The following GPC6 variants were observed in gnomAD, a reference collection of about 807,000 sequenced individuals.
GPC6 encodes glypican-6.
GPC6 carries 14 observed loss-of-function variants against 55.2 expected under a neutral mutation model. The ratio of observed to expected loss-of-function variants is 0.25; its 90% CI spans 0.17 to 0.40. The LOEUF is 0.40. Among genes scored for constraint, GPC6 ranks in the 10% least tolerant of loss-of-function variants. The pLI is 1.00. For synonymous variants in GPC6, 278 were observed against 259.6 expected, an observed-to-expected ratio of 1.07 and a Z score of -0.68; for missense variants, 641 against 708.5, an observed-to-expected ratio of 0.90 and a Z score of 1.08.
intron 4 of GPC6, among the ~76,000 whole-genome samples, chr13:94,244,416 G>T (rs1186411161): frequency 1.3e-5 from 2 of 151,930 alleles, no homozygotes; most frequent in African/African-American, 4.8e-5. Flanking sequence ...AAGGATTTGG[G>T]CACTATCTCA....
At chr13:94,318,790 T>C (rs1876670871) in intron 6 of GPC6, among the ~76,000 whole-genome samples, 1 of 152,234 alleles carries the variant, frequency 6.6e-6, no homozygotes, top group Non-Finnish European at 1.5e-5. Flanking sequence ...TCTATATTTA[T>C]AGTTAAAACT....
chr13:93,614,159 A>G (rs1878616940), intron 2 of GPC6, among the ~76,000 whole-genome samples: 1 of 152,218 alleles, frequency 6.6e-6, no homozygotes, highest in African/African-American at 2.4e-5. Flanking sequence ...ACTATTCTCT[A>G]CTACCATGTT....
chr13:93,425,047 G>C (rs1246468261), intron 1 of GPC6, among the ~76,000 whole-genome samples: 1 of 151,424 alleles, frequency 6.6e-6, no homozygotes, highest in African/African-American at 2.4e-5. Flanking sequence ...ACAAGGGTAG[G>C]GCAAATGAAA....
chr13:93,883,724 C>T (rs927402023), intron 3 of GPC6, among the ~76,000 whole-genome samples: 3 of 152,028 alleles, frequency 2.0e-5, no homozygotes, highest in East Asian at 3.9e-4. Flanking sequence ...CTAATTTTGA[C>T]CCAACTATGG....
chr13:93,553,162 C>CAG (rs1156441751), intron 2 of GPC6, among the ~76,000 whole-genome samples: 1 of 152,146 alleles, frequency 6.6e-6, no homozygotes, highest in Non-Finnish European at 1.5e-5. Flanking sequence ...TTGGTACCAG[C>CAG]AGATTCTTTA....
At chr13:94,135,943 A>G (rs1887168840) in intron 4 of GPC6, among the ~76,000 whole-genome samples, 1 of 152,212 alleles carries the variant, frequency 6.6e-6, no homozygotes, top group Non-Finnish European at 1.5e-5. Context: ...GAAGTTAAGC[A>G]GCTTCCAGGC....
chr13:94,060,932 G>T (rs1345084383), intron 4 of GPC6, among the ~76,000 whole-genome samples: 2 of 152,060 alleles, frequency 1.3e-5, no homozygotes, highest in African/African-American at 4.8e-5. Context: ...TTTTCATCTT[G>T]TAAAAGGGTA....
intron 2 of GPC6, among the ~76,000 whole-genome samples, chr13:93,550,130 G>A (rs1036887233): frequency 6.6e-6 from 1 of 152,070 alleles, no homozygotes; most frequent in African/African-American, 2.4e-5. Context: ...AAAAGCCTTT[G>A]TTGAATCAAT....
At chr13:93,481,695 G>C (rs1248140485) in intron 1 of GPC6, among the ~76,000 whole-genome samples, 1 of 151,774 alleles carries the variant, frequency 6.6e-6, no homozygotes, top group African/African-American at 2.4e-5. Flanking sequence ...TGAATACACT[G>C]TAATTTCCTC....
At chr13:94,087,941 C>A (rs181671417) in intron 4 of GPC6, among the ~76,000 whole-genome samples, 1 of 152,286 alleles carries the variant, frequency 6.6e-6, no homozygotes, top group East Asian at 1.9e-4. Context: ...CTACAGAATT[C>A]CACTGTGTAG....
At chr13:94,187,073 G>A (rs990348128) in intron 4 of GPC6, 4 of 152,218 alleles carry the variant, frequency 2.6e-5, no homozygotes, top group Non-Finnish European at 1.5e-5. Flanking sequence ...TGGAATAGCA[G>A]CCTTGGAAGA....
At chr13:94,175,963 G>T (rs1453368745) in intron 4 of GPC6, among the ~76,000 whole-genome samples, 3,875 of 132,226 alleles carry the variant, frequency 0.029, 65 homozygotes, top group Non-Finnish European at 0.042. Flanking sequence ...TATAGAGAGA[G>T]AGAGAGAGAG....
chr13:93,831,969 A>C (rs1427787685), intron 3 of GPC6, among the ~76,000 whole-genome samples: 1 of 148,746 alleles, frequency 6.7e-6, no homozygotes, highest in Non-Finnish European at 1.5e-5. Flanking sequence ...GGGCGCCTGT[A>C]GTCCCAGCTA....
At chr13:93,603,172 G>C (rs1878097293) in intron 2 of GPC6, among the ~76,000 whole-genome samples, 1 of 151,888 alleles carries the variant, frequency 6.6e-6, no homozygotes, top group Non-Finnish European at 1.5e-5. Context: ...ACCACACCCA[G>C]CTAATTTTTT....
chr13:93,572,260 T>C (rs758113503), intron 2 of GPC6, among the ~76,000 whole-genome samples: 5 of 152,212 alleles, frequency 3.3e-5, no homozygotes, highest in Non-Finnish European at 7.3e-5. Flanking sequence ...GCATTTGTGG[T>C]GCTTTTTATT....
rs56990650 is a variant in GPC6 at position 94,221,365 on chromosome 13, T to C, written c.878-64984T>C. 5.3e-3 allele frequency among the ~76,000 whole-genome samples: 805 copies of C among 152,202 alleles called. 12 individuals carry two copies. The highest frequency in any genetic ancestry group is 0.018 in the African/African-American group (765 of 41,552). On this transcript the variant is annotated intron_variant, in intron 4 of 8. Transcript: ENST00000377047. ...GGAGCTAATAAGCAAATGAAACTAA[T>C]AAAACTGCCCTAACTAAAATTATCA...
At chr13:93,551,901 G>A (rs533064620) in intron 2 of GPC6, among the ~76,000 whole-genome samples, 2 of 152,214 alleles carry the variant, frequency 1.3e-5, no homozygotes, top group East Asian at 1.9e-4. Context: ...ACAAATACGT[G>A]TATAATCATA....
At chr13:93,346,965 G>A (rs536284796) in intron 1 of GPC6, among the ~76,000 whole-genome samples, 22 of 152,148 alleles carry the variant, frequency 1.4e-4, no homozygotes, top group African/African-American at 5.1e-4. Flanking sequence ...TCGGTTGATT[G>A]GTCATACATA....
intron 3 of GPC6, among the ~76,000 whole-genome samples, chr13:93,891,722 AGT>A (rs548742127): frequency 6.6e-6 from 1 of 151,990 alleles, no homozygotes; most frequent in African/African-American, 2.4e-5. Flanking sequence ...GTGTGCATAC[AGT>A]GTGTGTGTGT....
Sources: allele counts gnomAD v4.1 joint callset (sites outside exome capture counted in the v4.1 genomes callset), GRCh38; gene constraint gnomAD v4.1.1; transcripts MANE v1.5; gene names NCBI Gene and HGNC (gene_info 2026-07-23, HGNC 2026-07-21).